Variants in AGAP1 observed in about 807,000 individuals in gnomAD.
AGAP1 encodes arf-GAP with GTPase, ANK repeat and PH domain-containing protein 1.
Under a neutral mutation model 105.3 loss-of-function variants are expected in AGAP1, and 29 were observed. The observed-to-expected ratio is 0.28, with a 90% CI of 0.21 to 0.38. AGAP1 has a LOEUF of 0.38. Among genes scored for constraint, AGAP1 ranks in the 10% least tolerant of loss-of-function variants. The pLI is 1.00. For missense variants in AGAP1, 998 were observed against 1,165.1 expected (o/e 0.86, Z 2.09); for synonymous variants, 509 against 485.9 (o/e 1.05, Z -0.63).
intron 9 of AGAP1, among the ~76,000 whole-genome samples, chr2:235,823,143 A>G (rs976363326): frequency 1.3e-5 from 2 of 152,202 alleles, no homozygotes; most frequent in African/African-American, 2.4e-5. Flanking sequence ...AACAAAAACT[A>G]TGTATAGTAT....
intron 3 of AGAP1, among the ~76,000 whole-genome samples, chr2:235,727,820 G>T (rs1240095135): frequency 2.0e-5 from 3 of 152,086 alleles, no homozygotes; most frequent in Admixed American, 6.5e-5. Context: ...AGGGTTCAAT[G>T]GTTTCCTCTG....
intron 6 of AGAP1, among the ~76,000 whole-genome samples, chr2:235,785,468 G>A (rs143943457): frequency 3.9e-5 from 6 of 152,230 alleles, no homozygotes; most frequent in African/African-American, 7.2e-5. Context: ...TGGCCTTTAC[G>A]TCTTACATTT....
chr2:235,650,858 A>G (rs977694061), intron 1 of AGAP1, among the ~76,000 whole-genome samples: 9 of 152,114 alleles, frequency 5.9e-5, no homozygotes, highest in African/African-American at 1.7e-4. Flanking sequence ...AGCCTCTGAC[A>G]TGTGTGGCAC....
At chr2:235,605,237 A>G (rs1209235140) in intron 1 of AGAP1, among the ~76,000 whole-genome samples, 2 of 152,240 alleles carry the variant, frequency 1.3e-5, no homozygotes, top group Non-Finnish European at 1.5e-5. Context: ...TAAGTAATAA[A>G]TAATAATTGA....
chr2:235,674,484 C>A (rs894461888), intron 1 of AGAP1, among the ~76,000 whole-genome samples: 1 of 152,186 alleles, frequency 6.6e-6, no homozygotes, highest in African/African-American at 2.4e-5. Flanking sequence ...CTATGCCCAT[C>A]CAGAACATTC....
In AGAP1 at chr2:235,934,188, C is replaced by T. The variant is rs955583424; in HGVS notation, c.1483+3265C>T. Among the ~76,000 whole-genome samples, 1 of 152,202 alleles carries T rather than the reference C, an allele frequency of 6.6e-6. No individual in the cohort carries two copies. The highest frequency in any genetic ancestry group is 1.5e-5 in the Non-Finnish European group (1 of 68,050). On this transcript the variant is annotated intron_variant, in intron 12 of 17. Coordinates refer to ENST00000304032, the MANE Select transcript of AGAP1 (RefSeq NM_001037131.3). The surrounding 1 kb of genome is among the most constrained non-coding windows in gnomAD (Gnocchi z 4.9). ...CTGTCTCAGTCCCACTGAATCCAGT[C>T]CTCAGGGGATGGGACCAGGCAACCT... is the stretch of plus-strand genomic sequence containing the variant.
rs183223537 is a variant in AGAP1, at chr2:235,992,042, G to T, written c.1645+23419G>T. Among the ~76,000 whole-genome samples the T allele has an allele frequency of 6.6e-6, 1 of 152,362 alleles. No homozygotes were observed. Among genetic ancestry groups the T allele is most frequent in the Admixed American group, 6.5e-5 (1 of 15,306 alleles). On this transcript the variant is annotated intron_variant, in intron 13 of 17. Transcript: ENST00000304032. This position sits in a 1 kb window ranked among gnomAD's most constrained non-coding sequence, Gnocchi z 4.8. ...AAGGCCCGTTGAGACTGCTCAGTTG[G>T]TGTCTCCTCTGTCCACAGGACATGG... is the stretch of plus-strand genomic sequence containing the variant.
intron 1 of AGAP1, among the ~76,000 whole-genome samples, chr2:235,617,709 C>G (rs1438202568): frequency 6.6e-6 from 1 of 152,172 alleles, no homozygotes; most frequent in Non-Finnish European, 1.5e-5. Flanking sequence ...CTCAAACAAA[C>G]AAAAGAACAT....
chr2:236,010,228 A>G (rs2056464062), intron 13 of AGAP1, among the ~76,000 whole-genome samples: 1 of 152,198 alleles, frequency 6.6e-6, no homozygotes, highest in Non-Finnish European at 1.5e-5. Context: ...TGTAGCTTCT[A>G]AAAATAGGGA....
At chr2:235,590,665 ATGTGTGTGTGTGTGTGTGTGCGTGTGCG>A (rs1286147640) in intron 1 of AGAP1, among the ~76,000 whole-genome samples, 3 of 127,462 alleles carry the variant, frequency 2.4e-5, no homozygotes, top group South Asian at 2.5e-4. Flanking sequence ...TTTTGTTTTA[ATGTGTGTGTGTGTGTGTGTGCGTGTGCG>A]TGTGTGTGTG....
In AGAP1 at chr2:235,788,145, A is replaced by G. The variant is rs549940024; in HGVS notation, c.674-9614A>G. Among the ~76,000 whole-genome samples, 78 of 152,340 alleles carry G rather than the reference A, an allele frequency of 5.1e-4. 1 individual carries two copies. Among genetic ancestry groups the G allele is most frequent in the African/African-American group, 1.7e-3 (72 of 41,582 alleles). ...GTAGGGCAGGAGGTTTTGAAAGGAC[A>G]TGATCATACACAGTACTTAGCTCAA... is the stretch of plus-strand genomic sequence containing the variant. On this transcript the variant is annotated intron_variant, in intron 6 of 17. Coordinates refer to ENST00000304032, the MANE Select transcript of AGAP1 (RefSeq NM_001037131.3). The surrounding 1 kb of genome is among the most constrained non-coding windows in gnomAD (Gnocchi z 6.0).
chr2:235,707,952 G>T lies in AGAP1; in HGVS notation c.164-1227G>T, dbSNP rs547445873. On this transcript the variant is annotated intron_variant, in intron 1 of 17. Coordinates refer to ENST00000304032, the MANE Select transcript of AGAP1 (RefSeq NM_001037131.3). ...GCTTCCCAATCATGTGACCTGGTGGGACGTGCTCCCCATCGTGTGACCTGG... is the reference window on the plus strand; with the variant it reads ...GCTTCCCAATCATGTGACCTGGTGGTACGTGCTCCCCATCGTGTGACCTGG... Among the ~76,000 whole-genome samples the T allele has an allele frequency of 3.3e-5, 5 of 151,670 alleles. No homozygotes were observed. In the South Asian group the frequency reaches 1.0e-3, roughly 32 times the overall value.
chr2:236,029,131 T>TCCCC (rs2057144015), intron 13 of AGAP1, among the ~76,000 whole-genome samples: 1 of 152,044 alleles, frequency 6.6e-6, no homozygotes, highest in Non-Finnish European at 1.5e-5. Flanking sequence ...TTTTGACCTT[T>TCCCC]CCCATGGTAG....
chr2:235,754,403 C>G lies in AGAP1; in HGVS notation c.673+3915C>G, dbSNP rs142616384. On this transcript the variant is annotated intron_variant, in intron 6 of 17. Transcript: ENST00000304032. The surrounding 1 kb of genome is among the most constrained non-coding windows in gnomAD (Gnocchi z 4.6). ...AACATAAAGGAAAAGCGTGTAATTTCTACATAATGTTTGGCTTGTAAATAA... is the reference window on the plus strand; with the variant it reads ...AACATAAAGGAAAAGCGTGTAATTTGTACATAATGTTTGGCTTGTAAATAA... Among the ~76,000 whole-genome samples the G allele has an allele frequency of 8.3e-4, 125 of 150,636 alleles. 3 individuals carry two copies. In the East Asian group the frequency reaches 0.02, roughly 24 times the overall value.
At chr2:236,110,870 C>T (rs1406076567) in intron 16 of AGAP1, among the ~76,000 whole-genome samples, 3 of 152,158 alleles carry the variant, frequency 2.0e-5, no homozygotes, top group Non-Finnish European at 4.4e-5. Flanking sequence ...GTGTCTTGCT[C>T]ACGGTTCTGG....
chr2:235,849,302 C>G (rs1393274258), intron 9 of AGAP1, among the ~76,000 whole-genome samples: 1 of 152,240 alleles, frequency 6.6e-6, no homozygotes, highest in Non-Finnish European at 1.5e-5. Flanking sequence ...TTGCAAGTGT[C>G]TTCCTTCTAT....
intron 1 of AGAP1, among the ~76,000 whole-genome samples, chr2:235,684,398 G>A (rs1949268094): frequency 6.6e-6 from 1 of 152,152 alleles, no homozygotes; most frequent in South Asian, 2.1e-4. Flanking sequence ...TGGTGAAGGA[G>A]CAAGCCCTAG....
intron 13 of AGAP1, among the ~76,000 whole-genome samples, chr2:236,022,555 CAG>C (rs1322421775): frequency 1.3e-5 from 2 of 152,114 alleles, no homozygotes; most frequent in African/African-American, 4.8e-5. Context: ...TATTTTTGGA[CAG>C]AGAGTCTCAC....
intron 11 of AGAP1, among the ~76,000 whole-genome samples, chr2:235,917,362 A>G (rs2125086603): frequency 6.6e-6 from 1 of 152,308 alleles, no homozygotes; most frequent in South Asian, 2.1e-4. Flanking sequence ...CAGCAAACCC[A>G]TAAAAAACCA....
Sources: gnomAD v4.1 joint callset for allele counts (sites outside exome capture counted in the v4.1 genomes callset) on GRCh38, gnomAD v4.1.1 for gene constraint, Gnocchi (gnomAD v3.1) non-coding constraint, MANE v1.5 for transcripts, NCBI Gene and HGNC (gene_info 2026-07-23, HGNC 2026-07-21) for gene names.